NKTR: variants seen among roughly 807,000 people sequenced by gnomAD.
NKTR encodes the protein NK-tumor recognition protein.
In NKTR, 67 loss-of-function variants were observed where a neutral mutation model predicts 156.3. The observed-to-expected ratio is 0.43, with a 90% CI of 0.35 to 0.53. The LOEUF (loss-of-function observed/expected upper bound fraction) is 0.53, where lower values mean the gene tolerates loss of function less well. Among genes scored for constraint, NKTR ranks in the 20% least tolerant of loss-of-function variants. The pLI is 0.01. For synonymous variants in NKTR, 640 were observed against 596.6 expected (o/e 1.07, Z -1.06); for missense variants, 1,604 against 1,730.9 (o/e 0.93, Z 1.30).
intron 2 of NKTR, chr3:42,602,591 C>G (rs1705625091): frequency 6.7e-6 from 1 of 149,926 alleles, no homozygotes; most frequent in Non-Finnish European, 1.5e-5. Context: ...ATTTGGTTGC[C>G]TTCTCTCTCT....
chr3:42,611,748 A>T (rs1706838974), intron 2 of NKTR, among the ~76,000 whole-genome samples: 1 of 151,070 alleles, frequency 6.6e-6, no homozygotes. Context: ...AAAAAAAAAA[A>T]ATGTATGCCT....
intron 12 of NKTR, among the ~76,000 whole-genome samples, chr3:42,636,294 C>G (rs1316088364): frequency 6.6e-6 from 1 of 152,206 alleles, no homozygotes; most frequent in African/African-American, 2.4e-5. Context: ...TGAGGACTTT[C>G]AGTTCTGAGC....
At chr3:42,601,142 T>TG in intron 2 of NKTR, 78 bp downstream of exon 2, 2 of 1,211,216 alleles carry the variant, frequency 1.7e-6, no homozygotes, top group Non-Finnish European at 2.2e-6. Context: ...TCAGCAACCC[T>TG]CCCCCGGCCT....
chr3:42,637,490 G>C lies in NKTR; in HGVS notation c.1786G>C (p.Val596Leu), dbSNP rs956803530. ...AACCATGGCACAAAATGAAAATGTA[G>C]TAGTACAACCAGTTGTAGCAGAAAA... Reference protein sequence around the residue: ...RATMAQNENVVVQPVVAENIP... With the variant: ...RATMAQNENVLVQPVVAENIP... Residue 596 changes from valine (V) to leucine (L), a missense_variant, in exon 13 of 17, where the codon GTA becomes CTA. Val to Leu is a conservative substitution (Grantham distance 32). Transcript: ENST00000232978. 2.2e-5 allele frequency: 36 copies of C among 1,613,810 alleles called. No homozygotes were observed. The highest frequency in any genetic ancestry group is 3.0e-5 in the Non-Finnish European group (35 of 1,179,958).
chr3:42,633,841 A>G, intron 10 of NKTR, 106 bp downstream of exon 10: 2 of 1,245,434 alleles, frequency 1.6e-6, no homozygotes, highest in Non-Finnish European at 2.3e-6. Context: ...TGTTTGAAGC[A>G]CATTGAAAGA....
At chr3:42,635,995 T>C (rs1376683860) in intron 12 of NKTR, among the ~76,000 whole-genome samples, 2 of 152,180 alleles carry the variant, frequency 1.3e-5, no homozygotes, top group Non-Finnish European at 2.9e-5. Context: ...CATTGGTAAA[T>C]AGGAAAACCT....
In NKTR at chr3:42,601,083, A is replaced by G. The variant is rs763889406; in HGVS notation, c.58+19A>G. The stretch of plus-strand genomic sequence containing the variant: ...GAGCCGGGTGAGCTGGAAACTGGGG[A>G]GCGCTGCTGGGGCCGAGGCCTGCCT... On this transcript the variant is annotated intron_variant, in intron 2 of 16. Transcript: ENST00000232978. The G allele has an allele frequency of 1.3e-6, 2 of 1,549,740 alleles. No individual in the cohort carries two copies. The highest frequency in any genetic ancestry group is 1.4e-5 in the African/African-American group (1 of 71,458).
intron 2 of NKTR, among the ~76,000 whole-genome samples, chr3:42,608,584 G>C (rs1032083338): frequency 1.3e-5 from 2 of 152,136 alleles, no homozygotes; most frequent in Admixed American, 6.5e-5. Context: ...AAAAATATAT[G>C]TATGTATGAT....
intron 2 of NKTR, among the ~76,000 whole-genome samples, chr3:42,614,393 C>A (rs769697161): frequency 1.3e-5 from 2 of 151,218 alleles, no homozygotes; most frequent in Non-Finnish European, 2.9e-5. Context: ...CTTGCCATCA[C>A]CGAAAATATT....
rs71072726 is a variant in NKTR at position 42,604,659 on chromosome 3, C to CTTTTTTT, written c.58+3628_58+3634dup. ...AATTGTGGATTTATCTATTTCTCTC[C>CTTTTTTT]TTTTTTTTTTTTTTTTTTTTTTTTT... is the stretch of plus-strand genomic sequence containing the variant. On this transcript the variant is annotated intron_variant, in intron 2 of 16. Coordinates refer to ENST00000232978, the MANE Select transcript of NKTR (RefSeq NM_005385.4). Among the ~76,000 whole-genome samples, 82 of 45,294 alleles carry CTTTTTTT rather than the reference C, an allele frequency of 1.8e-3. 24 individuals are homozygous for CTTTTTTT. The highest frequency in any genetic ancestry group is 2.4e-3 in the East Asian group (5 of 2,072). The allele number at this position is 45,294 out of a possible 152,430, so 29.7% of individuals were successfully genotyped here.
intron 3 of NKTR, among the ~76,000 whole-genome samples, chr3:42,618,351 C>CA (rs370572858): frequency 0.062 from 4,585 of 73,690 alleles, 116 homozygotes; most frequent in East Asian, 0.18. Context: ...GACTTTGTCT[C>CA]AAAAAAAAAA....
chr3:42,637,184 C>T lies in NKTR; in HGVS notation c.1480C>T (p.His494Tyr), dbSNP rs1709503401. 1.2e-6 allele frequency: 2 copies of T among 1,611,784 alleles called. No homozygotes were observed. The highest frequency in any genetic ancestry group is 1.7e-6 in the Non-Finnish European group (2 of 1,179,462). The change falls in exon 13 of 17, where the codon CAC becomes TAC. Residue 494 changes from histidine (H) to tyrosine (Y), a missense_variant. By Grantham distance (83) the His-to-Tyr change is moderately conservative. Coordinates refer to ENST00000232978, the MANE Select transcript of NKTR (RefSeq NM_005385.4). Reference protein sequence around the residue: ...SSRSSSLSSHHSSKRDWSKSD... With the variant: ...SSRSSSLSSHYSSKRDWSKSD... ...TCGTTCTTCCTCATTGTCATCTCAT[C>T]ACTCATCAAAGAGAGACTGGTCTAA...
Position 42,630,533 on chromosome 3 carries a change from G to A in NKTR, c.375-13G>A, listed in dbSNP as rs766642293. The A allele has an allele frequency of 6.2e-7, 1 of 1,613,554 alleles. No individual in the cohort carries two copies. The highest frequency in any genetic ancestry group is 2.2e-5 in the East Asian group (1 of 44,820). ...TGTTTGACATCATCTTTGTGTTGATGTTTATTACATAGTACCACAAAGCCT... is the reference window on the plus strand; with the variant it reads ...TGTTTGACATCATCTTTGTGTTGATATTTATTACATAGTACCACAAAGCCT... On this transcript the variant is annotated splice_polypyrimidine_tract_variant and intron_variant, in intron 6 of 16. Coordinates refer to ENST00000232978, the MANE Select transcript of NKTR (RefSeq NM_005385.4).
chr3:42,627,946 T>C, intron 6 of NKTR: 1 of 985,362 alleles, frequency 1.0e-6, no homozygotes, highest in Non-Finnish European at 1.2e-6. Flanking sequence ...CTGCCTCTTT[T>C]AGTAGAATTG....
chr3:42,639,804 G>T (rs1577579556), intron 13 of NKTR, 54 bp downstream of exon 13: 1 of 1,211,498 alleles, frequency 8.3e-7, no homozygotes, highest in Non-Finnish European at 1.2e-6. Context: ...TTATTGTTTA[G>T]CTTGGAAGAA....
Position 42,630,556 on chromosome 3 carries a change from C to T in NKTR, c.385C>T (p.Pro129Ser), listed in dbSNP as rs1287508185. 6.2e-7 allele frequency: 1 copy of T among 1,613,822 alleles called. No homozygotes were observed. The highest frequency in any genetic ancestry group is 8.5e-7 in the Non-Finnish European group (1 of 1,179,822). ...NGSQFFITTK[P>S]APHLDGVHVV... ...ATGTTTATTACATAGTACCACAAAG[C>T]CTGCTCCACACCTGGATGGGTAAGA... is the stretch of plus-strand genomic sequence containing the variant. The change falls in exon 7 of 17, where the codon CCT becomes TCT. Residue 129 changes from proline to serine, a missense_variant. This residue lies in a region of NKTR where 61 missense variants were observed against 113.3 expected (regional missense o/e 0.54). Coordinates refer to ENST00000232978, the MANE Select transcript of NKTR (RefSeq NM_005385.4).
intron 10 of NKTR, 46 bp from the exon 11 acceptor site, chr3:42,634,567 G>C: frequency 9.2e-7 from 1 of 1,089,120 alleles, no homozygotes; most frequent in Non-Finnish European, 1.3e-6. Flanking sequence ...AAAAATTCTA[G>C]CTTCTTTGCT....
intron 6 of NKTR, among the ~76,000 whole-genome samples, chr3:42,621,796 G>T (rs1707928632): frequency 6.6e-6 from 1 of 151,856 alleles, no homozygotes; most frequent in Admixed American, 6.6e-5. Context: ...TTAAGCCCCT[G>T]TCAAATTCGA....
intron 6 of NKTR, chr3:42,628,206 T>C (rs1708577309): frequency 1.0e-6 from 1 of 985,328 alleles, no homozygotes; most frequent in Non-Finnish European, 1.2e-6. Flanking sequence ...CAGATGCAAG[T>C]AATGGACTTT....
Sources: allele counts gnomAD v4.1 joint callset (sites outside exome capture counted in the v4.1 genomes callset), GRCh38; gene constraint gnomAD v4.1.1; regional missense constraint gnomAD v4.1.1; transcripts MANE v1.5; gene names NCBI Gene and HGNC (gene_info 2026-07-23, HGNC 2026-07-21).